The following PCDHAC2 variants were observed in gnomAD, a reference collection of about 807,000 sequenced individuals.
The protein encoded by PCDHAC2 is protocadherin alpha-C2.
In PCDHAC2, 24 loss-of-function variants were observed where a neutral mutation model predicts 63.3. That is an observed-to-expected ratio of 0.38 (90% CI 0.27 to 0.53). PCDHAC2 has a LOEUF of 0.53. Ranked by LOEUF, PCDHAC2 falls within the 20% of genes least tolerant of loss-of-function variation. The pLI is 0.81. For synonymous variants in PCDHAC2, 569 were observed against 529.4 expected (o/e 1.07, Z -1.03); for missense variants, 1,181 against 1,275.2 (o/e 0.93, Z 1.12).
At chr5:141,009,462 A>G (rs1279658091) in intron 3 of PCDHAC2, 165 bp from the exon 4 acceptor site, 2 of 954,512 alleles carry the variant, frequency 2.1e-6, no homozygotes, top group Non-Finnish European at 2.5e-6. Flanking sequence ...TAAACAAATA[A>G]ATAAATAAGT....
chr5:141,009,716 C>A lies in PCDHAC2; in HGVS notation c.2803C>A (p.Gln935Lys). Residue 935 changes from glutamine (Q) to lysine (K), a missense_variant, in exon 4 of 4, where the codon CAA becomes AAA. This residue lies in a region of PCDHAC2 where 968 missense variants were observed against 1,073.5 expected (regional missense o/e 0.90). Transcript: ENST00000289269. ...TFKYGPGNPK[Q>K]SGPGELPDKF... is the part of the protein sequence containing the mutation. ...TAAATACGGACCAGGCAACCCCAAACAATCCGGTCCCGGTGAGTTGCCCGA... is the reference window on the plus strand; with the variant it reads ...TAAATACGGACCAGGCAACCCCAAAAAATCCGGTCCCGGTGAGTTGCCCGA... 3 of 1,614,168 alleles carry A rather than the reference C, an allele frequency of 1.9e-6. No homozygotes were observed. The highest frequency in any genetic ancestry group is 2.5e-6 in the Non-Finnish European group (3 of 1,180,034).
chr5:141,003,740 C>T (rs1490080996), intron 3 of PCDHAC2, among the ~76,000 whole-genome samples: 1 of 152,146 alleles, frequency 6.6e-6, no homozygotes, highest in African/African-American at 2.4e-5. Flanking sequence ...AAAGCAAAAC[C>T]ATATTTTGTA....
chr5:140,974,182 A>G (rs2096618692), intron 1 of PCDHAC2, among the ~76,000 whole-genome samples: 1 of 152,248 alleles, frequency 6.6e-6, no homozygotes, highest in Non-Finnish European at 1.5e-5. Context: ...AACTTGACAA[A>G]TGCAAAGGAA....
Position 141,009,722 on chromosome 5 carries a change from G to T in PCDHAC2, c.2809G>T (p.Gly937Cys), listed in dbSNP as rs552954748. 6.8e-6 allele frequency: 11 copies of T among 1,614,022 alleles called. No individual in the cohort carries two copies. The highest frequency in any genetic ancestry group is 9.3e-6 in the Non-Finnish European group (11 of 1,180,046). Residue 937 changes from glycine (G) to cysteine (C), a missense_variant, in exon 4 of 4, where the codon GGT becomes TGT. Gly to Cys is a radical substitution (Grantham distance 159). Transcript: ENST00000289269. ...CGGACCAGGCAACCCCAAACAATCC[G>T]GTCCCGGTGAGTTGCCCGACAAATT... ...KYGPGNPKQS[G>C]PGELPDKFII...
intron 3 of PCDHAC2, among the ~76,000 whole-genome samples, chr5:141,007,395 C>CAAAAAAAAAAAAAAAAAA (rs35800918): frequency 1.1e-5 from 1 of 94,866 alleles, no homozygotes; most frequent in African/African-American, 4.3e-5. Context: ...TACTAAAATA[C>CAAAAAAAAAAAAAAAAAA]AAAAAAAAAA....
chr5:141,004,531 C>A (rs1051693064), intron 3 of PCDHAC2, among the ~76,000 whole-genome samples: 2 of 152,234 alleles, frequency 1.3e-5, no homozygotes, highest in Admixed American at 1.3e-4. Flanking sequence ...ATACACACAG[C>A]CATTAATGTC....
Position 140,967,093 on chromosome 5 carries a change from G to T in PCDHAC2, c.327G>T (p.Ala109=). ...TCAACGAGCGCATTGATCGGGAGGCGCTGTGTGAGCAGCGGCCTCGCTGCC... is the reference window on the plus strand; with the variant it reads ...TCAACGAGCGCATTGATCGGGAGGCTCTGTGTGAGCAGCGGCCTCGCTGCC... The part of the protein sequence containing the change: ...LFVNERIDRE[A]LCEQRPRCLL... The change falls in exon 1 of 4, where the codon GCG becomes GCT. Residue 109 remains alanine, a synonymous_variant. Coordinates refer to ENST00000289269, the MANE Select transcript of PCDHAC2 (RefSeq NM_018899.6). 6.2e-7 allele frequency: 1 copy of T among 1,613,122 alleles called. No individual in the cohort carries two copies. Among genetic ancestry groups the T allele is most frequent in the Non-Finnish European group, 8.5e-7 (1 of 1,179,640 alleles).
At chr5:140,980,094 TA>T (rs1554241421) in intron 2 of PCDHAC2, among the ~76,000 whole-genome samples, 1 of 152,218 alleles carries the variant, frequency 6.6e-6, no homozygotes, top group African/African-American at 2.4e-5. Context: ...GTTGGCTTGG[TA>T]AGATGTCACA....
At position 140,968,116 on chromosome 5, in the gene PCDHAC2, A is replaced by C; in HGVS notation, c.1350A>C (p.Thr450=). Residue 450 remains threonine (T), a synonymous_variant, in exon 1 of 4, where the codon ACA becomes ACC. Transcript: ENST00000289269. ...CAGATGGGGGAATACCGCAGCTCAC[A>C]TCCCTGCGTACACTGAAGGTTGAGA... ...TATDGGIPQL[T]SLRTLKVEIS... The C allele has an allele frequency of 6.2e-7, 1 of 1,614,174 alleles. No individual in the cohort carries two copies. The highest frequency in any genetic ancestry group is 1.1e-5 in the South Asian group (1 of 91,078).
chr5:140,967,073 G>T lies in PCDHAC2; in HGVS notation c.307G>T (p.Glu103Ter). The change falls in exon 1 of 4, where the codon GAG becomes TAG. Residue 103 changes from glutamate to a stop codon, truncating the protein, a stop_gained. Coordinates refer to ENST00000289269, the MANE Select transcript of PCDHAC2 (RefSeq NM_018899.6). LOFTEE classifies it high-confidence loss of function. Reference sequence around the variant, plus strand: ...GACGAGTGGAGCGCTCTTCGTCAACGAGCGCATTGATCGGGAGGCGCTGTG... The same window carrying T: ...GACGAGTGGAGCGCTCTTCGTCAACTAGCGCATTGATCGGGAGGCGCTGTG... ...DLTSGALFVN[E>*]RIDREALCEQ... 1 of 1,613,160 alleles carries T rather than the reference G, an allele frequency of 6.2e-7. No individual in the cohort carries two copies. The highest frequency in any genetic ancestry group is 8.5e-7 in the Non-Finnish European group (1 of 1,179,732).
intron 3 of PCDHAC2, among the ~76,000 whole-genome samples, chr5:140,995,639 A>G (rs1410943855): frequency 6.6e-6 from 1 of 152,190 alleles, no homozygotes; most frequent in Non-Finnish European, 1.5e-5. Context: ...TGGAGTGTTT[A>G]GAAAAGGAGA....
rs781864120 is a variant in PCDHAC2 at position 140,967,149 on chromosome 5, C to A, written c.383C>A (p.Pro128His). The A allele has an allele frequency of 1.3e-5, 21 of 1,610,890 alleles. No individual in the cohort carries two copies. Among genetic ancestry groups the A allele is most frequent in the Non-Finnish European group, 1.7e-5 (20 of 1,177,814 alleles). ...LLSLEVLAHN[P>H]VAVSAVEVEI... ...AGCTTGGAAGTGCTGGCGCACAACC[C>A]CGTGGCGGTGAGCGCCGTTGAGGTG... The change falls in exon 1 of 4, where the codon CCC becomes CAC. Residue 128 changes from proline to histidine, a missense_variant. Pro to His is a moderately conservative substitution (Grantham distance 77). Around this residue, in one of 3 missense-constraint regions of PCDHAC2, gnomAD observed 210 missense variants for 184.9 expected, o/e 1.14. Transcript: ENST00000289269.
chr5:140,973,209 C>T (rs1273068326), intron 1 of PCDHAC2, among the ~76,000 whole-genome samples: 4 of 152,100 alleles, frequency 2.6e-5, no homozygotes, highest in Non-Finnish European at 4.4e-5. Flanking sequence ...GCATATTCAC[C>T]CTAATTCCAG....
chr5:140,967,228 G>A lies in PCDHAC2; in HGVS notation c.462G>A (p.Gln154=), dbSNP rs1316363900. 3 of 1,613,652 alleles carry A rather than the reference G, an allele frequency of 1.9e-6. No homozygotes were observed. Among genetic ancestry groups the A allele is most frequent in the Non-Finnish European group, 2.5e-6 (3 of 1,179,944 alleles). ...CGCGTTTCCCGCGGCCCAACTACCAGCTTCAGGTAAGCGAATCGGTGGCGC... is the reference window on the plus strand; with the variant it reads ...CGCGTTTCCCGCGGCCCAACTACCAACTTCAGGTAAGCGAATCGGTGGCGC... ...NSPRFPRPNY[Q]LQVSESVAPG... Residue 154 remains glutamine (Q), a synonymous_variant, in exon 1 of 4, where the codon CAG becomes CAA. Transcript: ENST00000289269.
chr5:140,972,766 T>G (rs2096555102), intron 1 of PCDHAC2, among the ~76,000 whole-genome samples: 1 of 149,250 alleles, frequency 6.7e-6, no homozygotes, highest in African/African-American at 2.5e-5. Flanking sequence ...CAAGTTAAAG[T>G]GATTCTTCTG....
intron 3 of PCDHAC2, among the ~76,000 whole-genome samples, chr5:140,999,585 G>C (rs1240906342): frequency 6.6e-6 from 1 of 152,152 alleles, no homozygotes; most frequent in Non-Finnish European, 1.5e-5. Flanking sequence ...AAGGGAAATT[G>C]CCTTCCCTAC....
chr5:141,007,653 C>T (rs373127730), intron 3 of PCDHAC2, among the ~76,000 whole-genome samples: 1 of 152,126 alleles, frequency 6.6e-6, no homozygotes, highest in African/African-American at 2.4e-5. Context: ...GCCTAAAAAA[C>T]CATAAATTTA....
chr5:140,991,075 G>A (rs2097430816), intron 3 of PCDHAC2, among the ~76,000 whole-genome samples: 1 of 152,134 alleles, frequency 6.6e-6, no homozygotes, highest in Non-Finnish European at 1.5e-5. Flanking sequence ...CCATGTTTCA[G>A]ATAAAAAAAT....
Position 140,967,566 on chromosome 5 carries a change from G to A in PCDHAC2, c.800G>A (p.Arg267Gln). The A allele has an allele frequency of 1.2e-6, 2 of 1,614,060 alleles. No individual in the cohort carries two copies. The highest frequency in any genetic ancestry group is 2.2e-5 in the South Asian group (2 of 91,074). ...FDQSTYRVQL[R>Q]EDSPPGTLVV... ...CAGTCCACTTATCGCGTCCAGCTAC[G>A]GGAGGACTCACCCCCAGGCACATTG... Residue 267 changes from arginine (R) to glutamine (Q), a missense_variant, in exon 1 of 4, where the codon CGG becomes CAG. Transcript: ENST00000289269.
Sources: allele counts gnomAD v4.1 joint callset (sites outside exome capture counted in the v4.1 genomes callset), GRCh38; gene constraint gnomAD v4.1.1; regional missense constraint gnomAD v4.1.1; transcripts MANE v1.5; gene names NCBI Gene and HGNC (gene_info 2026-07-23, HGNC 2026-07-21).